TPST1: variants seen among roughly 807,000 people sequenced by gnomAD.
TPST1 encodes the protein tyrosylprotein sulfotransferase 1, also known as protein-tyrosine sulfotransferase 1.
Under a neutral mutation model 34.8 loss-of-function variants are expected in TPST1, and 20 were observed. The ratio of observed to expected loss-of-function variants is 0.57; its 90% confidence interval spans 0.40 to 0.84. The LOEUF is 0.84. TPST1 is among the 40% of genes least tolerant of loss of function. The pLI is 0.00. For missense variants in TPST1, 353 were observed against 455.5 expected (o/e 0.78, Z 2.05); for synonymous variants, 152 against 159.4 (o/e 0.95, Z 0.35).
chr7:66,302,331 G>A (rs1199283504), intron 3 of TPST1, among the ~76,000 whole-genome samples: 1 of 152,166 alleles, frequency 6.6e-6, no homozygotes, highest in Non-Finnish European at 1.5e-5. Flanking sequence ...CAGCTGGGAG[G>A]CAGTTGGGTT....
chr7:66,234,400 T>TACACACACAC (rs56139529), intron 1 of TPST1, among the ~76,000 whole-genome samples: 16,591 of 142,822 alleles, frequency 0.12, 1,126 homozygotes, highest in African/African-American at 0.18. Context: ...AAAGCATGGC[T>TACACACACAC]ACACACACAC....
At chr7:66,296,258 TCCCCCACC>T (rs1791194401) in intron 3 of TPST1, among the ~76,000 whole-genome samples, 2 of 12,450 alleles carry the variant, frequency 1.6e-4, no homozygotes, top group East Asian at 2.4e-3. Context: ...CCCCCCCCCC[TCCCCCACC>T]GTCTCTGCCT....
At chr7:66,311,724 AAAT>A (rs1446969931) in intron 3 of TPST1, among the ~76,000 whole-genome samples, 2 of 152,238 alleles carry the variant, frequency 1.3e-5, no homozygotes, top group Non-Finnish European at 1.5e-5. Flanking sequence ...GAAGAAAATG[AAAT>A]AATAATAAGA....
intron 2 of TPST1, among the ~76,000 whole-genome samples, chr7:66,280,553 A>G (rs112385222): frequency 0.042 from 6,470 of 152,294 alleles, 211 homozygotes; most frequent in Non-Finnish European, 0.068. Context: ...ATAAAGTCAT[A>G]TCGTCTGCAA....
intron 3 of TPST1, among the ~76,000 whole-genome samples, chr7:66,345,049 A>G (rs935270465): frequency 1.7e-4 from 26 of 152,118 alleles, no homozygotes; most frequent in African/African-American, 6.0e-4. Flanking sequence ...TAAAAAAAAT[A>G]TGTGTATGTA....
intron 3 of TPST1, among the ~76,000 whole-genome samples, chr7:66,325,007 A>G (rs1249257028): frequency 6.6e-6 from 1 of 152,164 alleles, no homozygotes; most frequent in Non-Finnish European, 1.5e-5. Flanking sequence ...GTCCGTTTTC[A>G]TACTGCTATA....
intron 3 of TPST1, among the ~76,000 whole-genome samples, chr7:66,322,456 G>T (rs1235358399): frequency 3.3e-5 from 5 of 152,034 alleles, no homozygotes. Context: ...CTTTTGTCTC[G>T]ATTTAAGTAC....
rs965032572 is a variant in TPST1, at chr7:66,250,410, T to C, written c.845+9140T>C. On this transcript the variant is annotated intron_variant, in intron 2 of 5. Transcript: ENST00000304842. The stretch of plus-strand genomic sequence containing the variant: ...CATTTATGAAGACAAACTAAAACAG[T>C]GTGACAGTGGCTAAGCACACGTTTT... Among the ~76,000 whole-genome samples the C allele has an allele frequency of 5.3e-5, 8 of 152,336 alleles. No individual in the cohort carries two copies. The East Asian group carries it at 1.5e-3, about 29-fold the overall frequency.
At chr7:66,345,489 C>CAAAAAAAAAAAAAAA (rs58837242) in intron 3 of TPST1, among the ~76,000 whole-genome samples, 8 of 64,868 alleles carry the variant, frequency 1.2e-4, no homozygotes, top group Admixed American at 2.1e-4. Flanking sequence ...ACTCCATCTC[C>CAAAAAAAAAAAAAAA]AAAAAAAAAA....
intron 3 of TPST1, among the ~76,000 whole-genome samples, chr7:66,341,140 A>G (rs904382919): frequency 2.0e-5 from 3 of 152,238 alleles, no homozygotes; most frequent in African/African-American, 2.4e-5. Context: ...GAATACCTAA[A>G]GCTATCCTGA....
At chr7:66,269,969 A>G (rs993614451) in intron 2 of TPST1, among the ~76,000 whole-genome samples, 1 of 152,104 alleles carries the variant, frequency 6.6e-6, no homozygotes, top group Admixed American at 6.6e-5. Flanking sequence ...GCATATTAGA[A>G]GGTTATAGTG....
intron 2 of TPST1, among the ~76,000 whole-genome samples, chr7:66,253,374 T>C (rs975603715): frequency 7.2e-4 from 108 of 150,030 alleles, no homozygotes; most frequent in African/African-American, 1.8e-3. Context: ...CGCTTTCTTT[T>C]TTTTTTTTTT....
intron 3 of TPST1, among the ~76,000 whole-genome samples, chr7:66,303,703 C>T (rs1028511168): frequency 6.6e-6 from 1 of 152,066 alleles, no homozygotes; most frequent in Non-Finnish European, 1.5e-5. Flanking sequence ...AGTCACTGCA[C>T]CTGGCTTGTA....
intron 3 of TPST1, among the ~76,000 whole-genome samples, chr7:66,349,935 C>T (rs989505058): frequency 4.6e-5 from 7 of 152,330 alleles, no homozygotes; most frequent in African/African-American, 1.4e-4. Flanking sequence ...CAAGTGCTAA[C>T]ATGATACACA....
intron 3 of TPST1, among the ~76,000 whole-genome samples, chr7:66,345,368 C>T (rs144178958): frequency 1.1e-3 from 160 of 151,244 alleles, no homozygotes; most frequent in African/African-American, 3.6e-3. Flanking sequence ...TGGCAGGTGC[C>T]TGTAATCCCA....
intron 3 of TPST1, among the ~76,000 whole-genome samples, chr7:66,316,834 A>T (rs1791641822): frequency 6.6e-6 from 1 of 152,218 alleles, no homozygotes; most frequent in Non-Finnish European, 1.5e-5. Context: ...AGAAAACCAG[A>T]TACCACGTGT....
intron 1 of TPST1, among the ~76,000 whole-genome samples, chr7:66,214,252 T>C (rs1027312881): frequency 6.6e-6 from 1 of 151,992 alleles, no homozygotes; most frequent in Non-Finnish European, 1.5e-5. Flanking sequence ...ATTCATATTA[T>C]ATAGAATAGA....
At chr7:66,227,378 C>A (rs775402799) in intron 1 of TPST1, among the ~76,000 whole-genome samples, 5 of 151,954 alleles carry the variant, frequency 3.3e-5, no homozygotes, top group Non-Finnish European at 5.9e-5. Context: ...ACCAGGCTTT[C>A]AGCAGAGGAA....
intron 5 of TPST1, among the ~76,000 whole-genome samples, chr7:66,357,412 TTTTG>T (rs893844288): frequency 1.9e-4 from 29 of 152,322 alleles, no homozygotes; most frequent in African/African-American, 6.5e-4. Context: ...CTACTGCAAT[TTTTG>T]TTTGTTTGTT....
Sources: gnomAD v4.1 joint callset for allele counts (sites outside exome capture counted in the v4.1 genomes callset) on GRCh38, gnomAD v4.1.1 for gene constraint, MANE v1.5 for transcripts, NCBI Gene and HGNC (gene_info 2026-07-23, HGNC 2026-07-21) for gene names.